The following C5orf22 variants were observed in gnomAD, a reference collection of about 807,000 sequenced individuals.
C5orf22 encodes the protein chromosome 5 open reading frame 22.
C5orf22 carries 36 observed loss-of-function variants against 48.7 expected under a neutral mutation model. The observed-to-expected ratio is 0.74, with a 90% CI of 0.57 to 0.98. The LOEUF is 0.98. Ranked by LOEUF, C5orf22 falls within the 50% of genes least tolerant of loss-of-function variation. C5orf22 has a pLI of 0.00. For synonymous variants in C5orf22, 141 were observed against 180.8 expected (o/e 0.78, Z 1.76); for missense variants, 486 against 521.9 (o/e 0.93, Z 0.67).
At chr5:31,543,931 A>G (rs889558506) in intron 6 of C5orf22, among the ~76,000 whole-genome samples, 1 of 152,132 alleles carries the variant, frequency 6.6e-6, no homozygotes, top group Non-Finnish European at 1.5e-5. Flanking sequence ...TAGTGAGTTT[A>G]GACTGTGCTT....
Position 31,541,276 on chromosome 5 carries a change from T to C in C5orf22, c.871-5T>C, listed in dbSNP as rs756038025. 4 of 1,609,970 alleles carry C rather than the reference T, an allele frequency of 2.5e-6. No individual in the cohort carries two copies. In the South Asian group the frequency reaches 3.3e-5, roughly 13 times the overall value. On this transcript the variant is annotated splice_region_variant and splice_polypyrimidine_tract_variant and intron_variant, in intron 5 of 8. Coordinates refer to ENST00000325366, the MANE Select transcript of C5orf22 (RefSeq NM_018356.3). ...TATAATCTCAGCTTTTCAATGTATTTAAAGGAAGATTTGGTAGATATTGTT... is the reference window on the plus strand; with the variant it reads ...TATAATCTCAGCTTTTCAATGTATTCAAAGGAAGATTTGGTAGATATTGTT...
chr5:31,534,900 A>G lies in C5orf22; in HGVS notation c.227+483A>G, dbSNP rs961472837. On this transcript the variant is annotated intron_variant, in intron 2 of 8. Coordinates refer to ENST00000325366, the MANE Select transcript of C5orf22 (RefSeq NM_018356.3). ...CTCTTAAAAGAAACAAACCAAAAAA[A>G]CTTTGTTTACAAAAACAGCCTAGCC... 5.7e-5 allele frequency: 23 copies of G among 404,110 alleles called. 1 individual carries two copies. Among genetic ancestry groups the G allele is most frequent in the South Asian group, 4.1e-4 (23 of 55,956 alleles). The allele number at this position is 404,110 out of a possible 1,614,324, so 25.0% of individuals were successfully genotyped here.
intron 7 of C5orf22, among the ~76,000 whole-genome samples, chr5:31,550,413 A>C (rs912634360): frequency 6.6e-6 from 1 of 152,246 alleles, no homozygotes; most frequent in African/African-American, 2.4e-5. Flanking sequence ...TTATACATAA[A>C]GGATACACAA....
At chr5:31,551,190 T>G (rs1743235212) in intron 7 of C5orf22, 103 bp from the exon 8 acceptor site, 1 of 1,110,374 alleles carries the variant, frequency 9.0e-7, no homozygotes, top group African/African-American at 1.6e-5. Context: ...ACATCTTTTA[T>G]GTATCAATAA....
rs1387544915 is a variant in C5orf22 at position 31,554,938 on chromosome 5, T to C, written c.*2036T>C. ...ATTCCAAATAGGAAGGTATTTACTT[T>C]ATCAAGATGTGTTTCATTTGTGTTC... On this transcript the variant is annotated 3_prime_UTR_variant, in exon 9 of 9. Coordinates refer to ENST00000325366, the MANE Select transcript of C5orf22 (RefSeq NM_018356.3). 1 of 152,226 alleles carries C rather than the reference T, an allele frequency of 6.6e-6. No homozygotes were observed. Among genetic ancestry groups the C allele is most frequent in the Non-Finnish European group, 1.5e-5 (1 of 68,038 alleles). The allele number at this position is 152,226 out of a possible 1,614,324, so 9.4% of individuals were successfully genotyped here. A position where few individuals can be genotyped will look rare whatever the true frequency, so the allele number is the denominator to read the frequency against.
intron 5 of C5orf22, 99 bp from the exon 6 acceptor site, chr5:31,541,182 T>C: frequency 7.7e-7 from 1 of 1,306,058 alleles, no homozygotes; most frequent in Non-Finnish European, 1.1e-6. Flanking sequence ...ACTTGAAAAT[T>C]ATGTTTTAAC....
chr5:31,533,723 C>T (rs2150070050), intron 1 of C5orf22, among the ~76,000 whole-genome samples: 1 of 152,190 alleles, frequency 6.6e-6, no homozygotes, highest in Admixed American at 6.5e-5. Flanking sequence ...AGAGCGAAAT[C>T]CCATCTCTAC....
At chr5:31,549,972 C>T (rs561118798) in intron 7 of C5orf22, among the ~76,000 whole-genome samples, 39 of 151,982 alleles carry the variant, frequency 2.6e-4, no homozygotes, top group African/African-American at 9.2e-4. Flanking sequence ...GGGTTTTTTT[C>T]GTTGGGTGGG....
At chr5:31,543,736 A>G (rs141611809) in intron 6 of C5orf22, among the ~76,000 whole-genome samples, 13 of 152,282 alleles carry the variant, frequency 8.5e-5, no homozygotes, top group African/African-American at 2.9e-4. Context: ...TTGTTATTTC[A>G]TGAAGTCTCA....
chr5:31,551,412 T>G lies in C5orf22; in HGVS notation c.1179T>G (p.Pro393=), dbSNP rs529982071. 6.2e-7 allele frequency: 1 copy of G among 1,612,034 alleles called. No homozygotes were observed. The highest frequency in any genetic ancestry group is 1.1e-5 in the South Asian group (1 of 90,644). ...VHYLLKNLPN[P]TLVTIARSSL... ...ATTTGCTGAAAAATTTACCAAATCC[T>G]ACTCTTGTGACAATTGCAAGGTAAG... Residue 393 remains proline, a synonymous_variant, in exon 8 of 9, where the codon CCT becomes CCG. Transcript: ENST00000325366.
intron 1 of C5orf22, 116 bp from the exon 2 acceptor site, chr5:31,534,156 G>A (rs1331677115): frequency 1.1e-6 from 1 of 896,584 alleles, no homozygotes; most frequent in Non-Finnish European, 1.7e-6. Flanking sequence ...CCACTTTACA[G>A]CAACATAGTA....
rs1042613093 is a variant in C5orf22 at position 31,551,303 on chromosome 5, C to A, written c.1070C>A (p.Ala357Asp). The A allele has an allele frequency of 6.2e-7, 1 of 1,612,850 alleles. No individual in the cohort carries two copies. ...EVPDYEMVHQ[A>D]GLTCDYSELP... ...TTGTCTTATTTTCAGGTTCACCAGG[C>A]TGGTTTAACCTGCGATTATTCAGAA... Residue 357 changes from alanine to aspartate, a missense_variant, in exon 8 of 9, where the codon GCT becomes GAT. Ala to Asp is a moderately radical substitution (Grantham distance 126, BLOSUM62 -2). This residue lies in a region of C5orf22 where 408 missense variants were observed against 444.0 expected (regional missense o/e 0.92). Transcript: ENST00000325366.
chr5:31,539,125 A>T (rs967264512), intron 4 of C5orf22, among the ~76,000 whole-genome samples: 5 of 152,250 alleles, frequency 3.3e-5, no homozygotes, highest in African/African-American at 4.8e-5. Context: ...ACAAGAGTAA[A>T]AAATAATACA....
In C5orf22 at chr5:31,554,939, A is replaced by C. The variant is rs1743506384; in HGVS notation, c.*2037A>C. On this transcript the variant is annotated 3_prime_UTR_variant, in exon 9 of 9. Transcript: ENST00000325366. ...TTCCAAATAGGAAGGTATTTACTTT[A>C]TCAAGATGTGTTTCATTTGTGTTCT... 6.6e-6 allele frequency: 1 copy of C among 152,218 alleles called. No individual in the cohort carries two copies. The highest frequency in any genetic ancestry group is 1.5e-5 in the Non-Finnish European group (1 of 68,044). 9.4% of individuals were successfully genotyped at this position (152,218 alleles called of 1,614,324 possible).
At chr5:31,545,382 G>A (rs1742820406) in intron 6 of C5orf22, among the ~76,000 whole-genome samples, 1 of 152,142 alleles carries the variant, frequency 6.6e-6, no homozygotes, top group Non-Finnish European at 1.5e-5. Context: ...AAAGTCAGTA[G>A]AACTTCCCAT....
rs914666621 is a variant in C5orf22, at chr5:31,553,165, GTTTGT to G, written c.*266_*270del. Reference sequence around the variant, plus strand: ...TTTTTAGGGTTTTGTTTTTTTTTTTGTTTGTTTGTTTGTTTGTCTTCACTTTTCCC... The same window carrying G: ...TTTTTAGGGTTTTGTTTTTTTTTTTGTTGTTTGTTTGTCTTCACTTTTCCC... On this transcript the variant is annotated 3_prime_UTR_variant, in exon 9 of 9. Coordinates refer to ENST00000325366, the MANE Select transcript of C5orf22 (RefSeq NM_018356.3). The G allele has an allele frequency of 4.2e-5, 11 of 261,938 alleles. No individual in the cohort carries two copies. Among genetic ancestry groups the G allele is most frequent in the African/African-American group, 2.5e-4 (11 of 44,008 alleles). 16.2% of individuals were successfully genotyped at this position (261,938 alleles called of 1,614,324 possible).
At chr5:31,547,184 G>C (rs1331929639) in intron 7 of C5orf22, among the ~76,000 whole-genome samples, 1 of 152,246 alleles carries the variant, frequency 6.6e-6, no homozygotes, top group African/African-American at 2.4e-5. Flanking sequence ...GCTCCAAAAC[G>C]ATCGTCTTTG....
At position 31,535,858 on chromosome 5, in the gene C5orf22, T is replaced by G; in HGVS notation, c.342T>G (p.Phe114Leu). ...AGATCAGAGAGGGCAGACACCACTT[T>G]TTAGTAGGCAAAGACACTTCTACCA... Reference protein sequence around the residue: ...AQQIREGRHHFLVGKDTSTTT... With the variant: ...AQQIREGRHHLLVGKDTSTTT... The change falls in exon 3 of 9, where the codon TTT (phenylalanine) becomes TTG (leucine). Residue 114 changes from phenylalanine (F) to leucine (L), a missense_variant. Phe to Leu is a conservative substitution (Grantham distance 22). This residue lies in a region of C5orf22 where 408 missense variants were observed against 444.0 expected (regional missense o/e 0.92). Transcript: ENST00000325366. 6.2e-7 allele frequency: 1 copy of G among 1,613,592 alleles called. No homozygotes were observed. Among genetic ancestry groups the G allele is most frequent in the East Asian group, 2.2e-5 (1 of 44,848 alleles).
intron 2 of C5orf22, 85 bp downstream of exon 2, chr5:31,534,502 C>A (rs947769722): frequency 2.4e-6 from 3 of 1,244,730 alleles, no homozygotes; most frequent in Non-Finnish European, 3.4e-6. Flanking sequence ...ATAGACTTTG[C>A]TAAACTCATG....
Sources: gnomAD v4.1 joint callset for allele counts (sites outside exome capture counted in the v4.1 genomes callset) on GRCh38, gnomAD v4.1.1 for gene constraint, gnomAD v4.1.1 regional missense constraint, MANE v1.5 for transcripts, NCBI Gene and HGNC (gene_info 2026-07-23, HGNC 2026-07-21) for gene names.